The following CCDC7 variants were observed in gnomAD, a reference collection of about 807,000 sequenced individuals.
CCDC7 encodes coiled-coil domain-containing protein 7.
In CCDC7, 183 loss-of-function variants were observed where a neutral mutation model predicts 196.9. That is an observed-to-expected ratio of 0.93 (90% confidence interval 0.82 to 1.05). CCDC7 has a LOEUF of 1.05. Among genes scored for constraint, CCDC7 ranks in the 50% least tolerant of loss-of-function variants. The pLI is 0.00. For synonymous variants in CCDC7, 525 were observed against 484.6 expected (o/e 1.08, Z -1.10); for missense variants, 1,540 against 1,482.2 (o/e 1.04, Z -0.64).
At chr10:32,676,309 G>T (rs901540522) in intron 21 of CCDC7, among the ~76,000 whole-genome samples, 4 of 151,726 alleles carry the variant, frequency 2.6e-5, no homozygotes, top group African/African-American at 9.7e-5. Context: ...CATAGGCATG[G>T]GCACGGACTT....
intron 9 of CCDC7, among the ~76,000 whole-genome samples, chr10:32,503,673 G>T (rs1366484195): frequency 2.0e-5 from 3 of 152,150 alleles, no homozygotes; most frequent in Non-Finnish European, 4.4e-5. Flanking sequence ...TCCTCTTCAA[G>T]ATTTTTGAAG....
chr10:32,809,904 T>A (rs929854898), intron 30 of CCDC7, among the ~76,000 whole-genome samples: 1 of 150,434 alleles, frequency 6.6e-6, no homozygotes, highest in South Asian at 2.1e-4. Flanking sequence ...TTATAAATCA[T>A]GCTACTATAA....
At chr10:32,631,260 A>AT (rs1046105749) in intron 18 of CCDC7, among the ~76,000 whole-genome samples, 2 of 152,228 alleles carry the variant, frequency 1.3e-5, no homozygotes, top group African/African-American at 2.4e-5. Context: ...TTACTTCTCT[A>AT]TTTTTTTATA....
At chr10:32,498,431 T>C (rs995848948) in intron 9 of CCDC7, among the ~76,000 whole-genome samples, 1 of 152,220 alleles carries the variant, frequency 6.6e-6, no homozygotes, top group Non-Finnish European at 1.5e-5. Flanking sequence ...ATTATGATGC[T>C]AGCTGGTTAT....
chr10:32,560,997 A>G (rs2055472889), intron 13 of CCDC7, among the ~76,000 whole-genome samples: 9 of 151,482 alleles, frequency 5.9e-5, no homozygotes, highest in Admixed American at 5.9e-4. Context: ...ATGCAAAACA[A>G]AAAAAAAGGC....
At chr10:32,721,793 T>C (rs1260399215) in intron 25 of CCDC7, among the ~76,000 whole-genome samples, 1 of 152,066 alleles carries the variant, frequency 6.6e-6, no homozygotes, top group Non-Finnish European at 1.5e-5. Context: ...TTTTGTTTGG[T>C]AGTGTCTGGA....
intron 29 of CCDC7, among the ~76,000 whole-genome samples, chr10:32,784,582 C>CTT (rs148600554): frequency 6.6e-6 from 1 of 151,904 alleles, no homozygotes; most frequent in South Asian, 2.1e-4. Context: ...AGCCAAAGTT[C>CTT]TTTTTTTTGA....
At chr10:32,681,926 C>T (rs2075911879) in intron 21 of CCDC7, among the ~76,000 whole-genome samples, 1 of 152,042 alleles carries the variant, frequency 6.6e-6, no homozygotes, top group Admixed American at 6.6e-5. Flanking sequence ...TCTTGTCTTT[C>T]TCCATTTCAT....
chr10:32,646,345 C>T (rs1175180254), intron 20 of CCDC7, among the ~76,000 whole-genome samples: 2 of 151,226 alleles, frequency 1.3e-5, no homozygotes, highest in Non-Finnish European at 1.5e-5. Context: ...TCCAAAGTTC[C>T]TTCTGTTATT....
intron 30 of CCDC7, among the ~76,000 whole-genome samples, chr10:32,813,651 G>A (rs2087671751): frequency 6.6e-6 from 1 of 152,150 alleles, no homozygotes. Context: ...CATACCTACA[G>A]GTTGGGTATA....
At chr10:32,828,529 A>G (rs1372116281) in intron 32 of CCDC7, among the ~76,000 whole-genome samples, 1 of 150,534 alleles carries the variant, frequency 6.6e-6, no homozygotes, top group Non-Finnish European at 1.5e-5. Context: ...GAAGAAGAAG[A>G]AGAAGAAGAA....
At chr10:32,585,781 G>A (rs928588842) in intron 18 of CCDC7, among the ~76,000 whole-genome samples, 1 of 152,102 alleles carries the variant, frequency 6.6e-6, no homozygotes, top group African/African-American at 2.4e-5. Context: ...TCATTGATGG[G>A]CATTTGGGTT....
intron 28 of CCDC7, among the ~76,000 whole-genome samples, chr10:32,772,287 T>C (rs946915900): frequency 6.6e-6 from 1 of 152,156 alleles, no homozygotes; most frequent in Non-Finnish European, 1.5e-5. Flanking sequence ...CCCCACATAG[T>C]TCCCACTCAT....
At chr10:32,498,341 C>T (rs2134756454) in intron 9 of CCDC7, among the ~76,000 whole-genome samples, 1 of 152,138 alleles carries the variant, frequency 6.6e-6, no homozygotes, top group African/African-American at 2.4e-5. Flanking sequence ...GTCCAATTTG[C>T]CAGTCTGTGT....
At chr10:32,623,649 C>T in intron 18 of CCDC7, 1 of 458,332 alleles carries the variant, frequency 2.2e-6, no homozygotes, top group Non-Finnish European at 4.4e-6. Context: ...TCTGTGTTGA[C>T]ATAAGGAAAT....
chr10:32,513,067 A>C (rs1167021415), intron 9 of CCDC7: 2 of 152,064 alleles, frequency 1.3e-5, no homozygotes, highest in Non-Finnish European at 2.9e-5. Context: ...CTTTTTATCT[A>C]CCCTCGGGAA....
intron 32 of CCDC7, among the ~76,000 whole-genome samples, chr10:32,831,507 AT>A: frequency 6.6e-6 from 1 of 152,320 alleles, no homozygotes; most frequent in South Asian, 2.1e-4. Context: ...TTATAATAAC[AT>A]TTAACTTAAA....
intron 40 of CCDC7, 65 bp from the exon 42 acceptor site, chr10:32,854,335 C>T (rs1452344700): frequency 1.1e-5 from 11 of 957,236 alleles, no homozygotes; most frequent in South Asian, 1.6e-5. Flanking sequence ...TTTATTTTAA[C>T]ATTTTAAAAG....
intron 22 of CCDC7, among the ~76,000 whole-genome samples, chr10:32,882,248 TA>T (rs535527622): frequency 2.0e-5 from 3 of 152,252 alleles, no homozygotes; most frequent in South Asian, 4.1e-4. Flanking sequence ...ATATCAAGTG[TA>T]GAGGGATTCT....
Sources: gnomAD v4.1 joint callset for allele counts (sites outside exome capture counted in the v4.1 genomes callset) on GRCh38, gnomAD v4.1.1 for gene constraint, MANE v1.5 for transcripts, NCBI Gene and HGNC (gene_info 2026-07-23, HGNC 2026-07-21) for gene names.